Variants in RRP1B observed in about 807,000 individuals in gnomAD.
RRP1B encodes ribosomal RNA processing protein 1 homolog B.
In RRP1B, 56 loss-of-function variants were observed where a neutral mutation model predicts 80.2. That is an observed-to-expected ratio of 0.70 (90% CI 0.56 to 0.87). The LOEUF (loss-of-function observed/expected upper bound fraction) is 0.87, where lower values mean the gene tolerates loss of function less well. Among genes scored for constraint, RRP1B ranks in the 40% least tolerant of loss-of-function variants. The pLI is 0.00. For missense variants in RRP1B, 807 were observed against 939.8 expected (o/e 0.86, Z 1.85); for synonymous variants, 351 against 357.6 (o/e 0.98, Z 0.21).
At chr21:43,687,182 C>T (rs1363977276) in intron 12 of RRP1B, among the ~76,000 whole-genome samples, 1 of 152,192 alleles carries the variant, frequency 6.6e-6, no homozygotes, top group Non-Finnish European at 1.5e-5. Flanking sequence ...GAAGCAGGAG[C>T]TGCAGGGAGC....
chr21:43,673,558 C>T (rs554705459), intron 3 of RRP1B, among the ~76,000 whole-genome samples: 2 of 149,200 alleles, frequency 1.3e-5, no homozygotes, highest in South Asian at 4.2e-4. Flanking sequence ...CACTTGAACC[C>T]AGGAGGCAGA....
At chr21:43,683,607 C>T (rs1247671299) in intron 9 of RRP1B, among the ~76,000 whole-genome samples, 2 of 152,140 alleles carry the variant, frequency 1.3e-5, no homozygotes, top group Non-Finnish European at 2.9e-5. Context: ...CTAAGCTCTC[C>T]TCTGTTCTCT....
chr21:43,659,799 G>A lies in RRP1B; in HGVS notation c.130+5G>A. 2 of 1,496,384 alleles carry A rather than the reference G, an allele frequency of 1.3e-6. No individual in the cohort carries two copies. The highest frequency in any genetic ancestry group is 1.8e-6 in the Non-Finnish European group (2 of 1,117,248). The allele number at this position is 1,496,384 out of a possible 1,614,324, so 92.7% of individuals were successfully genotyped here. A position where few individuals can be genotyped will look rare whatever the true frequency, so the allele number is the denominator to read the frequency against. On this transcript the variant is annotated splice_donor_5th_base_variant and intron_variant, in intron 1 of 15. Coordinates refer to ENST00000340648, the MANE Select transcript of RRP1B (RefSeq NM_015056.3). The surrounding 1 kb of genome is among the most constrained non-coding windows in gnomAD (Gnocchi z 4.2). The stretch of plus-strand genomic sequence containing the variant: ...TGAAGACGCAGAGGGAGACAGGTGG[G>A]CGCACGGCCGCGGTCAGCCGCGCCA...
intron 1 of RRP1B, among the ~76,000 whole-genome samples, chr21:43,663,329 G>A (rs538115762): frequency 3.9e-5 from 6 of 152,144 alleles, no homozygotes; most frequent in African/African-American, 1.2e-4. Context: ...GCAACAGCGC[G>A]ATCTCTGCTA....
rs776643248 is a variant in RRP1B, at chr21:43,674,004, T to A, written c.357+49T>A. 1.4e-5 allele frequency: 19 copies of A among 1,351,528 alleles called. 1 individual carries two copies. The South Asian group carries it at 2.3e-4, about 17-fold the overall frequency. 83.7% of individuals were successfully genotyped at this position (1,351,528 alleles called of 1,614,324 possible). ...AAAAACTCCTGGGAAGAAAAGAATG[T>A]CCTTTATCTTAAAAACAATGGGAAG... On this transcript the variant is annotated intron_variant, in intron 4 of 15. Coordinates refer to ENST00000340648, the MANE Select transcript of RRP1B (RefSeq NM_015056.3).
chr21:43,690,253 AC>A, intron 13 of RRP1B, 34 bp from the exon 14 acceptor site: 2 of 1,608,882 alleles, frequency 1.2e-6, no homozygotes, highest in Non-Finnish European at 1.7e-6. Context: ...CTGTCGTCTG[AC>A]CCCTCCTCCG....
chr21:43,683,843 G>A (rs140600573), intron 9 of RRP1B, among the ~76,000 whole-genome samples: 118 of 151,676 alleles, frequency 7.8e-4, no homozygotes, highest in African/African-American at 2.6e-3. Flanking sequence ...GCCCGACACC[G>A]TGGCGCACGC....
At position 43,669,980 on chromosome 21, in the gene RRP1B, C is replaced by T; in HGVS notation, c.213+14C>T. 1 of 1,583,092 alleles carries T rather than the reference C, an allele frequency of 6.3e-7. No individual in the cohort carries two copies. The highest frequency in any genetic ancestry group is 8.7e-7 in the Non-Finnish European group (1 of 1,156,004). On this transcript the variant is annotated intron_variant, in intron 2 of 15. Transcript: ENST00000340648. The stretch of plus-strand genomic sequence containing the variant: ...CCCCTTCTACAGGTAACATGCGTTC[C>T]CTTTGTCATGCTCCCGGGTTCTTGC...
chr21:43,661,243 ATTG>A (rs1240679814), intron 1 of RRP1B, among the ~76,000 whole-genome samples: 2 of 152,116 alleles, frequency 1.3e-5, no homozygotes, highest in Non-Finnish European at 2.9e-5. Flanking sequence ...CTAAACCTAA[ATTG>A]TTGTCCCAGC....
At chr21:43,674,612 T>TTTTTTAA in intron 4 of RRP1B, 24 bp from the exon 5 acceptor site, 1 of 1,327,490 alleles carries the variant, frequency 7.5e-7, no homozygotes, top group Non-Finnish European at 1.0e-6. Context: ...TTTTTTTTTT[T>TTTTTTAA]AAACAAAAAT....
chr21:43,685,713 TTC>T, intron 10 of RRP1B, 55 bp from the exon 11 acceptor site: 1 of 1,288,046 alleles, frequency 7.8e-7, no homozygotes, highest in South Asian at 1.6e-5. Context: ...CAGAAGGGAT[TTC>T]TTTATGAACA....
In RRP1B at chr21:43,691,630, T is replaced by A; in HGVS notation, c.2083+128T>A. ...CCTAGCTCCTCACTGCCCATTTCTT[T>A]ATTTTTATTTTTTTTTTTTTTTTGA... On this transcript the variant is annotated intron_variant, in intron 15 of 15. Coordinates refer to ENST00000340648, the MANE Select transcript of RRP1B (RefSeq NM_015056.3). This position sits in a 1 kb window ranked among gnomAD's most constrained non-coding sequence, Gnocchi z 4.2. 1 of 639,148 alleles carries A rather than the reference T, an allele frequency of 1.6e-6. No homozygotes were observed. The highest frequency in any genetic ancestry group is 2.6e-6 in the Non-Finnish European group (1 of 385,020). The allele number at this position is 639,148 out of a possible 1,614,324, so 39.6% of individuals were successfully genotyped here. A position where few individuals can be genotyped will look rare whatever the true frequency, so the allele number is the denominator to read the frequency against.
In RRP1B at chr21:43,662,491, G is replaced by A. The variant is rs964462940; in HGVS notation, c.130+2697G>A. On this transcript the variant is annotated intron_variant, in intron 1 of 15. Coordinates refer to ENST00000340648, the MANE Select transcript of RRP1B (RefSeq NM_015056.3). Reference sequence around the variant, plus strand: ...TAACTTGGCCTGACATTCGACTCCCGATGACAGGCTCCAACTTTTCTGCAT... The same window carrying A: ...TAACTTGGCCTGACATTCGACTCCCAATGACAGGCTCCAACTTTTCTGCAT... 7.9e-5 allele frequency among the ~76,000 whole-genome samples: 12 copies of A among 152,190 alleles called. No homozygotes were observed. In the East Asian group the frequency reaches 1.5e-3, roughly 19 times the overall value.
At chr21:43,688,338 G>A in intron 13 of RRP1B, 98 bp downstream of exon 13, 1 of 1,403,596 alleles carries the variant, frequency 7.1e-7, no homozygotes, top group Non-Finnish European at 9.5e-7. Context: ...GGGGCTGGCG[G>A]CCAGGCCTCT....
intron 1 of RRP1B, among the ~76,000 whole-genome samples, chr21:43,666,486 A>G (rs1384399084): frequency 3.3e-5 from 5 of 152,242 alleles, no homozygotes; most frequent in Non-Finnish European, 7.3e-5. Flanking sequence ...TGGGAGGCCA[A>G]GGTGGGGGGA....
chr21:43,683,327 G>A lies in RRP1B; in HGVS notation c.845G>A (p.Gly282Glu). 6.2e-7 allele frequency: 1 copy of A among 1,614,206 alleles called. No individual in the cohort carries two copies. The highest frequency in any genetic ancestry group is 8.5e-7 in the Non-Finnish European group (1 of 1,180,016). Residue 282 changes from glycine (G) to glutamate (E), a missense_variant, in exon 9 of 16, where the codon GGA becomes GAA. By Grantham distance (98) the Gly-to-Glu change is moderately conservative. Transcript: ENST00000340648. ...AAAGATGGACTCAGTGATGAAAGAG[G>A]AAGAGATGACTGTGGAACCTTTGAG... Reference protein sequence around the residue: ...SRKDGLSDERGRDDCGTFEDT... With the variant: ...SRKDGLSDERERDDCGTFEDT...
intron 1 of RRP1B, among the ~76,000 whole-genome samples, chr21:43,667,954 T>C (rs1409532769): frequency 6.6e-6 from 1 of 152,202 alleles, no homozygotes; most frequent in East Asian, 1.9e-4. Context: ...ATGCCAGTAT[T>C]CCCAGCACTT....
At position 43,695,611 on chromosome 21, in the gene RRP1B, A is replaced by G. The variant is rs1225603869; in HGVS notation, c.*2228A>G. 4 of 152,254 alleles carry G rather than the reference A, an allele frequency of 2.6e-5. No homozygotes were observed. The allele number at this position is 152,254 out of a possible 1,614,324, so 9.4% of individuals were successfully genotyped here. ...TTAAAAATTCTCATTACATAGACGC[A>G]CAAGAATATGTCACATAAAGAAAAT... is the stretch of plus-strand genomic sequence containing the variant. On this transcript the variant is annotated 3_prime_UTR_variant, in exon 16 of 16. Coordinates refer to ENST00000340648, the MANE Select transcript of RRP1B (RefSeq NM_015056.3).
In RRP1B at chr21:43,695,616, AAT is replaced by A; in HGVS notation, c.*2236_*2237del. The A allele has an allele frequency of 6.6e-6, 1 of 152,350 alleles. No homozygotes were observed. 9.4% of individuals were successfully genotyped at this position (152,350 alleles called of 1,614,324 possible). On this transcript the variant is annotated 3_prime_UTR_variant, in exon 16 of 16. Transcript: ENST00000340648. ...AATTCTCATTACATAGACGCACAAG[AAT>A]ATGTCACATAAAGAAAATGTGTTTA...
Sources: allele counts gnomAD v4.1 joint callset (sites outside exome capture counted in the v4.1 genomes callset), GRCh38; gene constraint gnomAD v4.1.1; non-coding constraint Gnocchi (gnomAD v3.1); transcripts MANE v1.5; gene names NCBI Gene and HGNC (gene_info 2026-07-23, HGNC 2026-07-21).